Variants in NKAIN3 observed in about 807,000 individuals in gnomAD.
The protein encoded by NKAIN3 is sodium/potassium-transporting ATPase subunit beta-1-interacting protein 3.
Under a neutral mutation model 30.2 loss-of-function variants are expected in NKAIN3, and 25 were observed. The observed-to-expected ratio is 0.83, with a 90% confidence interval of 0.60 to 1.16. The LOEUF (loss-of-function observed/expected upper bound fraction) is 1.16. NKAIN3 is among the 50% of genes most tolerant of loss of function. NKAIN3 has a pLI of 0.00. For synonymous variants in NKAIN3, 91 were observed against 89.6 expected (o/e 1.02, Z -0.09); for missense variants, 225 against 254.1 (o/e 0.89, Z 0.78).
chr8:62,465,969 C>T (rs2129599758), intron 1 of NKAIN3, among the ~76,000 whole-genome samples: 1 of 152,070 alleles, frequency 6.6e-6, no homozygotes, highest in Admixed American at 6.5e-5. Context: ...GTTTAGTGAG[C>T]CAAGATCGCG....
intron 4 of NKAIN3, among the ~76,000 whole-genome samples, chr8:62,906,584 C>A (rs1054506588): frequency 2.2e-4 from 33 of 152,136 alleles, no homozygotes; most frequent in African/African-American, 7.2e-4. Context: ...ATGGGAGGGA[C>A]CTGATGGGAG....
At chr8:62,372,951 C>T (rs1451603470) in intron 1 of NKAIN3, among the ~76,000 whole-genome samples, 1 of 151,984 alleles carries the variant, frequency 6.6e-6, no homozygotes, top group Non-Finnish European at 1.5e-5. Flanking sequence ...TTACACCTAC[C>T]AGCAGGACAA....
At chr8:62,638,266 C>T (rs1262354227) in intron 3 of NKAIN3, among the ~76,000 whole-genome samples, 2 of 152,104 alleles carry the variant, frequency 1.3e-5, no homozygotes, top group African/African-American at 4.8e-5. Context: ...CTGTTTTTCT[C>T]ACACTTGTCA....
rs534818510 is a variant in NKAIN3, at chr8:62,691,584, T to C, written c.274-55348T>C. Among the ~76,000 whole-genome samples, 86 of 152,258 alleles carry C rather than the reference T, an allele frequency of 5.6e-4. 1 individual carries two copies. In the South Asian group the frequency reaches 0.017, roughly 31 times the overall value. On this transcript the variant is annotated intron_variant, in intron 3 of 6. Transcript: ENST00000623646. Reference sequence around the variant, plus strand: ...TTTTTTAATCCAAGTGAGAAAAAAATTTGGAATATTTGAGAATGTTAAATT... The same window carrying C: ...TTTTTTAATCCAAGTGAGAAAAAAACTTGGAATATTTGAGAATGTTAAATT...
chr8:62,486,153 C>T (rs1254310684), intron 1 of NKAIN3, among the ~76,000 whole-genome samples: 2 of 151,812 alleles, frequency 1.3e-5, no homozygotes, highest in African/African-American at 2.4e-5. Flanking sequence ...CTAGGGACAC[C>T]AACATTTTAG....
chr8:62,341,958 A>G (rs1394069943), intron 1 of NKAIN3, among the ~76,000 whole-genome samples: 1 of 152,030 alleles, frequency 6.6e-6, no homozygotes, highest in Non-Finnish European at 1.5e-5. Context: ...CCACCCCACA[A>G]ATGCTTTTTG....
At chr8:62,353,984 A>C (rs926947859) in intron 1 of NKAIN3, among the ~76,000 whole-genome samples, 1 of 152,184 alleles carries the variant, frequency 6.6e-6, no homozygotes, top group Non-Finnish European at 1.5e-5. Flanking sequence ...ATTTGTGAGG[A>C]GAAGGGTTGA....
intron 1 of NKAIN3, among the ~76,000 whole-genome samples, chr8:62,467,961 G>A (rs974109189): frequency 6.6e-6 from 1 of 151,888 alleles, no homozygotes; most frequent in African/African-American, 2.4e-5. Flanking sequence ...TTGTTAGAGA[G>A]GGGGTTTCAC....
At chr8:62,796,166 T>A (rs1176641886) in intron 4 of NKAIN3, among the ~76,000 whole-genome samples, 1 of 151,766 alleles carries the variant, frequency 6.6e-6, no homozygotes, top group Non-Finnish European at 1.5e-5. Flanking sequence ...GGTGGATCAC[T>A]TGAGGCCAAG....
chr8:62,682,694 T>G (rs1813679449), intron 3 of NKAIN3, among the ~76,000 whole-genome samples: 1 of 152,032 alleles, frequency 6.6e-6, no homozygotes, highest in East Asian at 1.9e-4. Flanking sequence ...AGTGGGGTGA[T>G]GCCTGTAACT....
intron 1 of NKAIN3, among the ~76,000 whole-genome samples, chr8:62,359,424 C>A (rs1309637966): frequency 6.6e-6 from 1 of 152,132 alleles, no homozygotes; most frequent in Non-Finnish European, 1.5e-5. Flanking sequence ...TCAAGTGGAT[C>A]TACTAACACG....
chr8:62,859,055 C>T (rs904248824), intron 4 of NKAIN3, among the ~76,000 whole-genome samples: 2 of 152,192 alleles, frequency 1.3e-5, no homozygotes. Flanking sequence ...GTGTCGGACC[C>T]AAGGCCCTGG....
intron 2 of NKAIN3, among the ~76,000 whole-genome samples, chr8:62,586,072 T>G (rs923525891): frequency 6.6e-6 from 1 of 152,208 alleles, no homozygotes; most frequent in African/African-American, 2.4e-5. Flanking sequence ...AAAACTGCCT[T>G]TAAAAATTTG....
At chr8:62,428,465 C>A (rs1196620176) in intron 1 of NKAIN3, among the ~76,000 whole-genome samples, 2 of 151,936 alleles carry the variant, frequency 1.3e-5, no homozygotes, top group East Asian at 3.9e-4. Context: ...TAATCTCCAA[C>A]AGTGTTCAAG....
At chr8:62,727,960 A>G (rs1158018720) in intron 3 of NKAIN3, among the ~76,000 whole-genome samples, 1 of 152,192 alleles carries the variant, frequency 6.6e-6, no homozygotes, top group Admixed American at 6.5e-5. Flanking sequence ...TAATCTTTGC[A>G]AAAGTTGGAT....
intron 1 of NKAIN3, among the ~76,000 whole-genome samples, chr8:62,394,033 A>G (rs1450141088): frequency 2.0e-5 from 3 of 152,204 alleles, no homozygotes; most frequent in Non-Finnish European, 2.9e-5. Flanking sequence ...ATGCAAATAA[A>G]TGCACTATTG....
chr8:62,959,835 C>T (rs1823520843), intron 6 of NKAIN3, among the ~76,000 whole-genome samples: 1 of 152,132 alleles, frequency 6.6e-6, no homozygotes, highest in Non-Finnish European at 1.5e-5. Context: ...GTTAACTTTC[C>T]TGGGCTGTCT....
At position 62,980,147 on chromosome 8, in the gene NKAIN3, T is replaced by C. The variant is rs1454445013; in HGVS notation, c.*14740T>C. The stretch of plus-strand genomic sequence containing the variant: ...TAATCCCACATGCCCTAGACAAGCC[T>C]CCTGATGATTTTTCATCAAACATGA... On this transcript the variant is annotated 3_prime_UTR_variant, in exon 7 of 7. Coordinates refer to ENST00000623646, the MANE Select transcript of NKAIN3 (RefSeq NM_001304533.3). 1.3e-5 allele frequency: 2 copies of C among 152,192 alleles called. No homozygotes were observed. Among genetic ancestry groups the C allele is most frequent in the African/African-American group, 4.8e-5 (2 of 41,450 alleles). The allele number at this position is 152,192 out of a possible 1,614,324, so 9.4% of individuals were successfully genotyped here.
intron 1 of NKAIN3, among the ~76,000 whole-genome samples, chr8:62,394,859 C>T (rs1027152162): frequency 9.9e-5 from 14 of 141,272 alleles, no homozygotes; most frequent in African/African-American, 3.2e-4. Context: ...ACTTCTCAGA[C>T]GGTGGGGCGG....
Sources: allele counts gnomAD v4.1 joint callset (sites outside exome capture counted in the v4.1 genomes callset), GRCh38; gene constraint gnomAD v4.1.1; transcripts MANE v1.5; gene names NCBI Gene and HGNC (gene_info 2026-07-23, HGNC 2026-07-21).